PCDH15: variants seen among roughly 807,000 people sequenced by gnomAD.
The protein encoded by PCDH15 is protocadherin-15.
Under a neutral mutation model 178.5 loss-of-function variants are expected in PCDH15, and 129 were observed. The observed-to-expected ratio is 0.72, with a 90% CI of 0.63 to 0.84. The LOEUF (loss-of-function observed/expected upper bound fraction) is 0.84, where lower values mean the gene tolerates loss of function less well. Among genes scored for constraint, PCDH15 ranks in the 40% least tolerant of loss-of-function variants. The pLI, the probability that PCDH15 is intolerant of heterozygous loss-of-function variation, is 0.00. For missense variants in PCDH15, 2,230 were observed against 2,099.9 expected (o/e 1.06, Z -1.21); for synonymous variants, 800 against 732.0 (o/e 1.09, Z -1.50).
intron 2 of PCDH15, among the ~76,000 whole-genome samples, chr10:55,395,978 C>T (rs1400773337): frequency 2.0e-5 from 3 of 152,178 alleles, no homozygotes; most frequent in Non-Finnish European, 4.4e-5. Flanking sequence ...ATGCTTTCCA[C>T]AACTAATCAC....
chr10:53,961,903 A>G lies in PCDH15; in HGVS notation c.2869-11T>C, dbSNP rs777490523. 6 of 1,591,826 alleles carry G rather than the reference A, an allele frequency of 3.8e-6. No homozygotes were observed. Among genetic ancestry groups the G allele is most frequent in the Non-Finnish European group, 5.2e-6 (6 of 1,161,224 alleles). The stretch of plus-strand genomic sequence containing the variant: ...ACTTGCAGGTAATCCCTAAAATAAA[A>G]TTATTAATTATTAATTTGCTGTTAC... On this transcript the variant is annotated splice_polypyrimidine_tract_variant and intron_variant, in intron 21 of 37. Transcript: ENST00000644397.
intron 2 of PCDH15, among the ~76,000 whole-genome samples, chr10:54,955,737 C>A (rs1391313932): frequency 6.6e-6 from 1 of 151,242 alleles, no homozygotes; most frequent in African/African-American, 2.4e-5. Flanking sequence ...AGGCACACAT[C>A]TTGAAACTAC....
At chr10:55,271,258 T>C (rs975513206) in intron 1 of PCDH15, among the ~76,000 whole-genome samples, 7 of 151,974 alleles carry the variant, frequency 4.6e-5, no homozygotes, top group African/African-American at 1.7e-4. Context: ...AAAATATAAG[T>C]TGAATTTTAA....
At chr10:54,167,526 A>T (rs929339610) in intron 13 of PCDH15, among the ~76,000 whole-genome samples, 1 of 151,966 alleles carries the variant, frequency 6.6e-6, no homozygotes, top group Non-Finnish European at 1.5e-5. Context: ...AGGGTGTCAG[A>T]CCACACAGGG....
At chr10:54,221,693 C>G (rs1366491120) in intron 9 of PCDH15, among the ~76,000 whole-genome samples, 1 of 151,994 alleles carries the variant, frequency 6.6e-6, no homozygotes, top group East Asian at 1.9e-4. Context: ...ACTTCTGCCT[C>G]CTGAGTTGAA....
intron 2 of PCDH15, among the ~76,000 whole-genome samples, chr10:55,481,174 T>C (rs934460185): frequency 5.9e-5 from 9 of 151,620 alleles, no homozygotes; most frequent in Non-Finnish European, 1.2e-4. Context: ...TGTGGGGTCA[T>C]TGGTAATATC....
chr10:54,709,694 G>GTA (rs1349815602), intron 1 of PCDH15, among the ~76,000 whole-genome samples: 3 of 120,816 alleles, frequency 2.5e-5, no homozygotes, highest in Admixed American at 8.3e-5. Flanking sequence ...GTGTGTGTGT[G>GTA]TATATATATA....
chr10:55,442,173 G>A (rs1220338522), intron 2 of PCDH15, among the ~76,000 whole-genome samples: 2 of 151,748 alleles, frequency 1.3e-5, no homozygotes, highest in Non-Finnish European at 2.9e-5. Context: ...TGCGAAAAGT[G>A]GAAAGAAAAG....
At chr10:55,118,966 T>G (rs1161208324) in intron 2 of PCDH15, among the ~76,000 whole-genome samples, 1 of 152,172 alleles carries the variant, frequency 6.6e-6, no homozygotes, top group African/African-American at 2.4e-5. Flanking sequence ...GTGAATCCCT[T>G]ACTGATGTCT....
intron 14 of PCDH15, among the ~76,000 whole-genome samples, chr10:54,151,074 C>T (rs1347505508): frequency 1.3e-5 from 2 of 151,994 alleles, no homozygotes; most frequent in Non-Finnish European, 2.9e-5. Flanking sequence ...GAGAAAAGCA[C>T]CATTACTATT....
chr10:55,062,135 C>T (rs1365146807), intron 2 of PCDH15, among the ~76,000 whole-genome samples: 1 of 152,182 alleles, frequency 6.6e-6, no homozygotes, highest in African/African-American at 2.4e-5. Context: ...ATCCTTACCC[C>T]AAGGTGATGG....
chr10:53,944,053 T>C (rs2086312968), intron 23 of PCDH15, among the ~76,000 whole-genome samples: 1 of 152,082 alleles, frequency 6.6e-6, no homozygotes, highest in Non-Finnish European at 1.5e-5. Context: ...TTAAGCCAGA[T>C]GGACAGAGAA....
At chr10:54,257,403 C>CTTTTTTTTTTTTTTTTTTT (rs71461225) in intron 8 of PCDH15, among the ~76,000 whole-genome samples, 1 of 126,024 alleles carries the variant, frequency 7.9e-6, no homozygotes, top group African/African-American at 2.9e-5. Context: ...GAATTGTCTT[C>CTTTTTTTTTTTTTTTTTTT]TTTTTTTTTT....
chr10:53,935,273 G>A (rs184818704), intron 25 of PCDH15, among the ~76,000 whole-genome samples: 84 of 152,160 alleles, frequency 5.5e-4, no homozygotes, highest in Admixed American at 9.8e-4. Context: ...ATAGGAAATA[G>A]TGTCTCTATA....
chr10:55,014,792 A>G (rs1289916670), intron 2 of PCDH15, among the ~76,000 whole-genome samples: 1 of 152,216 alleles, frequency 6.6e-6, no homozygotes, highest in African/African-American at 2.4e-5. Flanking sequence ...AACTGTAAAA[A>G]TACTTTTTTA....
chr10:54,828,155 G>C (rs369848065), intron 3 of PCDH15, among the ~76,000 whole-genome samples: 1 of 151,874 alleles, frequency 6.6e-6, no homozygotes, highest in Admixed American at 6.6e-5. Context: ...TATAATTTCA[G>C]TAAAATTTTC....
chr10:55,083,129 A>G (rs1423048133), intron 2 of PCDH15, among the ~76,000 whole-genome samples: 1 of 151,782 alleles, frequency 6.6e-6, no homozygotes, highest in Non-Finnish European at 1.5e-5. Context: ...CTCCCTGATG[A>G]ATATTGATGA....
intron 3 of PCDH15, among the ~76,000 whole-genome samples, chr10:54,402,336 G>A (rs1437406414): frequency 2.6e-5 from 4 of 152,054 alleles, no homozygotes; most frequent in African/African-American, 9.6e-5. Flanking sequence ...CATCATGGTA[G>A]TTGGAATTCC....
chr10:54,514,375 A>G (rs1287522528), intron 3 of PCDH15, among the ~76,000 whole-genome samples: 1 of 152,198 alleles, frequency 6.6e-6, no homozygotes, highest in African/African-American at 2.4e-5. Flanking sequence ...GTGATTTTTA[A>G]TCAGATAAAT....
Sources: gnomAD v4.1 joint callset for allele counts (sites outside exome capture counted in the v4.1 genomes callset) on GRCh38, gnomAD v4.1.1 for gene constraint, MANE v1.5 for transcripts, NCBI Gene and HGNC (gene_info 2026-07-23, HGNC 2026-07-21) for gene names.